The following UBQLN4 variants were observed in gnomAD, a reference collection of about 807,000 sequenced individuals.
UBQLN4 encodes ubiquilin 4, also known as ubiquilin-4.
Under a neutral mutation model 60.4 loss-of-function variants are expected in UBQLN4, and 11 were observed. That is an observed-to-expected ratio of 0.18 (90% CI 0.11 to 0.30). UBQLN4 has a LOEUF of 0.30. UBQLN4 is among the 10% of genes least tolerant of loss of function. The pLI, the probability that UBQLN4 is intolerant of heterozygous loss-of-function variation, is 1.00. For synonymous variants in UBQLN4, 258 were observed against 313.1 expected (o/e 0.82, Z 1.86); for missense variants, 417 against 795.5 (o/e 0.52, Z 5.72).
chr1:156,051,024 G>T, intron 3 of UBQLN4, 86 bp downstream of exon 3: 1 of 1,329,204 alleles, frequency 7.5e-7, no homozygotes, highest in Non-Finnish European at 1.1e-6. Context: ...CAGACCAGGA[G>T]CAGGAACTCC....
downstream of UBQLN4, among the ~76,000 whole-genome samples, chr1:156,031,905 T>A (rs1296959222): frequency 1.3e-5 from 2 of 151,764 alleles, no homozygotes; most frequent in Non-Finnish European, 2.9e-5. Flanking sequence ...AGTGTACAAT[T>A]TGATAAGTTT....
At chr1:156,053,387 C>T (rs912410296) in intron 1 of UBQLN4, among the ~76,000 whole-genome samples, 3 of 151,966 alleles carry the variant, frequency 2.0e-5, no homozygotes, top group Non-Finnish European at 4.4e-5. Flanking sequence ...AGGCAAAACC[C>T]GCCCCTCAAC....
Position 156,051,821 on chromosome 1 carries a change from G to A in UBQLN4, c.145C>T (p.Gln49Ter). ...GCGAAGATCAGGACCAGCTGATCCT[G>A]CTGAGCCTTAAACCTCCGGGAGATT... ...EEISRRFKAQ[Q>*]DQLVLIFAGK... Residue 49 changes from glutamine (Q) to a stop codon, truncating the protein, a stop_gained, in exon 2 of 11, where the codon CAG becomes TAG. Transcript: ENST00000368309. LOFTEE classifies it high-confidence loss of function. 6.2e-7 allele frequency: 1 copy of A among 1,614,130 alleles called. No homozygotes were observed. Among genetic ancestry groups the A allele is most frequent in the Non-Finnish European group, 8.5e-7 (1 of 1,180,006 alleles).
Position 156,044,065 on chromosome 1 carries a change from C to T in UBQLN4, c.1059G>A (p.Ser353=), listed in dbSNP as rs754532577. ...PGSGGEGTGG[S]GTSQVHPTVS... The stretch of plus-strand genomic sequence containing the variant: ...CTGTCGGGTGCACCTGGCTGGTCCC[C>T]GATCCTCCGGTGCCCTCCCCACCGG... Residue 353 remains serine (S), a synonymous_variant, in exon 6 of 11, where the codon TCG becomes TCA. Coordinates refer to ENST00000368309, the MANE Select transcript of UBQLN4 (RefSeq NM_020131.5). The T allele has an allele frequency of 8.1e-6, 13 of 1,602,324 alleles. No individual in the cohort carries two copies. Among genetic ancestry groups the T allele is most frequent in the Middle Eastern group, 1.7e-4 (1 of 6,016 alleles).
rs1229535702 is a variant in UBQLN4, at chr1:156,036,971, C to T, written c.*7G>A. On this transcript the variant is annotated 3_prime_UTR_variant, in exon 11 of 11. Coordinates refer to ENST00000368309, the MANE Select transcript of UBQLN4 (RefSeq NM_020131.5). Reference sequence around the variant, plus strand: ...GAGGGGAGAGGCAGGAGGCATGGGCCGAGGGATTAGGAGAGCTGGGAGCCC... The same window carrying T: ...GAGGGGAGAGGCAGGAGGCATGGGCTGAGGGATTAGGAGAGCTGGGAGCCC... 8 of 1,612,802 alleles carry T rather than the reference C, an allele frequency of 5.0e-6. No individual in the cohort carries two copies. Among genetic ancestry groups the T allele is most frequent in the South Asian group, 2.2e-5 (2 of 90,952 alleles).
At chr1:156,049,129 A>G (rs1294033903) in intron 4 of UBQLN4, among the ~76,000 whole-genome samples, 1 of 152,178 alleles carries the variant, frequency 6.6e-6, no homozygotes, top group Non-Finnish European at 1.5e-5. Flanking sequence ...TTCTGTCCCT[A>G]TTTTGCAGAT....
In UBQLN4 at chr1:156,053,774, C is replaced by G. The variant is rs962701252; in HGVS notation, c.-73G>C. 4 of 1,004,458 alleles carry G rather than the reference C, an allele frequency of 4.0e-6. No homozygotes were observed. In the African/African-American group the frequency reaches 6.9e-5, roughly 17 times the overall value. 62.2% of individuals were successfully genotyped at this position (1,004,458 alleles called of 1,614,324 possible). A position where few individuals can be genotyped will look rare whatever the true frequency, so the allele number is the denominator to read the frequency against. ...CTCCCCGCCCGCCCGGCCGGCCCGG[C>G]TCGGCTTCTGCGCCTCCAACACTCC... On this transcript the variant is annotated 5_prime_UTR_variant, in exon 1 of 11. Coordinates refer to ENST00000368309, the MANE Select transcript of UBQLN4 (RefSeq NM_020131.5).
rs1290509054 is a variant in UBQLN4 at position 156,036,344 on chromosome 1, G to C, written c.*634C>G. On this transcript the variant is annotated 3_prime_UTR_variant, in exon 11 of 11. Transcript: ENST00000368309. The stretch of plus-strand genomic sequence containing the variant: ...GCTGCTCCAGCGTTTGTTAATTCCT[G>C]TCCAGAGAGCTGTCTCATCTCCCTC... 39 of 985,402 alleles carry C rather than the reference G, an allele frequency of 4.0e-5. No individual in the cohort carries two copies. The highest frequency in any genetic ancestry group is 4.6e-5 in the Non-Finnish European group (38 of 830,004). 61.0% of individuals were successfully genotyped at this position (985,402 alleles called of 1,614,324 possible).
intron 5 of UBQLN4, among the ~76,000 whole-genome samples, chr1:156,045,156 T>C (rs1021315798): frequency 6.6e-6 from 1 of 151,786 alleles, no homozygotes; most frequent in African/African-American, 2.4e-5. Flanking sequence ...CAGGTGGTCC[T>C]ACCTCAGCCC....
In UBQLN4 at chr1:156,051,241, G is replaced by C; in HGVS notation, c.347C>G (p.Ala116Gly). The C allele has an allele frequency of 6.3e-7, 1 of 1,598,838 alleles. No individual in the cohort carries two copies. Among genetic ancestry groups the C allele is most frequent in the African/African-American group, 1.3e-5 (1 of 74,796 alleles). The change falls in exon 3 of 11, where the codon GCC becomes GGC. Residue 116 changes from alanine (A) to glycine (G), a missense_variant. Ala to Gly is a moderately conservative substitution (Grantham distance 60). Transcript: ENST00000368309. Reference protein sequence around the residue: ...SAPSTTPASPATPAQPSTSGS... With the variant: ...SAPSTTPASPGTPAQPSTSGS... ...AGAGGTGGAGGGCTGGGCAGGGGTG[G>C]CGGGTGAAGCAGGCGTGGTGGAGGG...
Position 156,048,370 on chromosome 1 carries a change from G to T in UBQLN4, c.900+131C>A. 9.2e-7 allele frequency: 1 copy of T among 1,081,900 alleles called. No individual in the cohort carries two copies. Among genetic ancestry groups the T allele is most frequent in the Non-Finnish European group, 1.3e-6 (1 of 768,906 alleles). The allele number at this position is 1,081,900 out of a possible 1,614,324, so 67.0% of individuals were successfully genotyped here. ...CCCCGGATATGTACTGTTGAGAACTGCCTTCAAGCCAAGGCCCACCCCTCA... is the reference window on the plus strand; with the variant it reads ...CCCCGGATATGTACTGTTGAGAACTTCCTTCAAGCCAAGGCCCACCCCTCA... On this transcript the variant is annotated intron_variant, in intron 5 of 10. Coordinates refer to ENST00000368309, the MANE Select transcript of UBQLN4 (RefSeq NM_020131.5). This position sits in a 1 kb window ranked among gnomAD's most constrained non-coding sequence, Gnocchi z 4.9.
rs1192453795 is a variant in UBQLN4 at position 156,035,975 on chromosome 1, G to A, written c.*1003C>T. On this transcript the variant is annotated 3_prime_UTR_variant, in exon 11 of 11. Transcript: ENST00000368309. ...CAACCCCCTTCATGTCTTTTGAGGG[G>A]GGCTCAAACTACTGGTGCCTGGGGA... The A allele has an allele frequency of 2.8e-5, 28 of 985,668 alleles. No individual in the cohort carries two copies. The highest frequency in any genetic ancestry group is 3.1e-5 in the Non-Finnish European group (26 of 830,170). 61.1% of individuals were successfully genotyped at this position (985,668 alleles called of 1,614,324 possible).
rs1683423985 is a variant in UBQLN4 at position 156,037,125 on chromosome 1, C to G, written c.1659G>C (p.Gln553His). 1.2e-6 allele frequency: 2 copies of G among 1,614,094 alleles called. No homozygotes were observed. Among genetic ancestry groups the G allele is most frequent in the Non-Finnish European group, 1.7e-6 (2 of 1,179,990 alleles). The change falls in exon 11 of 11, where the codon CAG (glutamine) becomes CAC (histidine). Residue 553 changes from glutamine (Q) to histidine (H), a missense_variant. Physicochemically the swap from Gln to His is conservative, Grantham distance 24. Transcript: ENST00000368309. ...LLAGSGNSQV[Q>H]TPEVRFQQQL... ...GCTGCTGAAATCTCACTTCTGGCGT[C>G]TGCACCTGGAGGGGACAGGCCTTGT...
downstream of UBQLN4, chr1:156,033,297 C>T (rs1572264896): frequency 1.0e-6 from 1 of 985,404 alleles, no homozygotes; most frequent in Non-Finnish European, 1.2e-6. Context: ...GCCAGAAGAG[C>T]AGAGTGTAAT....
At chr1:156,034,158 AAG>A (rs2102734679), downstream of UBQLN4, among the ~76,000 whole-genome samples, 1 of 151,938 alleles carries the variant, frequency 6.6e-6, no homozygotes, top group Non-Finnish European at 1.5e-5. Context: ...CAATGTACAA[AAG>A]ATAAAACCCC....
At chr1:156,038,812 CTTTT>C (rs536553162) in intron 10 of UBQLN4, among the ~76,000 whole-genome samples, 2 of 133,140 alleles carry the variant, frequency 1.5e-5, no homozygotes, top group African/African-American at 2.8e-5. Flanking sequence ...AGGTCTTCTT[CTTTT>C]TTTTTTTTTT....
At position 156,035,405 on chromosome 1, in the gene UBQLN4, T is replaced by C; in HGVS notation, c.*1573A>G. On this transcript the variant is annotated 3_prime_UTR_variant, in exon 11 of 11. Coordinates refer to ENST00000368309, the MANE Select transcript of UBQLN4 (RefSeq NM_020131.5). ...ATCTTCTCTGGACTGCTTGGGACCC[T>C]TTCCCACTTGGAGCAAACTCTGTTC... 3.0e-6 allele frequency: 3 copies of C among 985,064 alleles called. No homozygotes were observed. The highest frequency in any genetic ancestry group is 3.6e-6 in the Non-Finnish European group (3 of 829,722). The allele number at this position is 985,064 out of a possible 1,614,324, so 61.0% of individuals were successfully genotyped here.
Position 156,048,442 on chromosome 1 carries a change from G to A in UBQLN4, c.900+59C>T, listed in dbSNP as rs957083875. The A allele has an allele frequency of 4.5e-6, 7 of 1,548,450 alleles. No individual in the cohort carries two copies. Among genetic ancestry groups the A allele is most frequent in the South Asian group, 1.2e-5 (1 of 85,182 alleles). On this transcript the variant is annotated intron_variant, in intron 5 of 10. Coordinates refer to ENST00000368309, the MANE Select transcript of UBQLN4 (RefSeq NM_020131.5). This position sits in a 1 kb window ranked among gnomAD's most constrained non-coding sequence, Gnocchi z 4.9. ...GAGCAGGCCCAGGTTTGCCTGGGGT[G>A]GGGGTAGGGAATCTCGAGCCCAGAC...
rs535954238 is a variant in UBQLN4, at chr1:156,038,463, C to G, written c.1654-1333G>C. On this transcript the variant is annotated intron_variant, in intron 10 of 10. Transcript: ENST00000368309. ...TCACTTGAGGTCAGGAGTTCGAGAC[C>G]AGACTGGCCAACATGGCGATACCCC... 3.3e-5 allele frequency among the ~76,000 whole-genome samples: 5 copies of G among 152,056 alleles called. No homozygotes were observed. In the South Asian group the frequency reaches 1.0e-3, roughly 32 times the overall value.
Sources: gnomAD v4.1 joint callset for allele counts (sites outside exome capture counted in the v4.1 genomes callset) on GRCh38, gnomAD v4.1.1 for gene constraint, Gnocchi (gnomAD v3.1) non-coding constraint, MANE v1.5 for transcripts, NCBI Gene and HGNC (gene_info 2026-07-23, HGNC 2026-07-21) for gene names.